Variants in CPNE4 observed in about 807,000 individuals in gnomAD.
CPNE4 encodes copine 4, also known as copine-4.
Under a neutral mutation model 67.9 loss-of-function variants are expected in CPNE4, and 25 were observed. That is an observed-to-expected ratio of 0.37 (90% CI 0.27 to 0.51). The LOEUF is 0.51. Ranked by LOEUF, CPNE4 falls within the 20% of genes least tolerant of loss-of-function variation. CPNE4 has a pLI of 0.93. For missense variants in CPNE4, 464 were observed against 690.8 expected, an observed-to-expected ratio of 0.67 and a Z score of 3.68; for synonymous variants, 242 against 244.9, an observed-to-expected ratio of 0.99 and a Z score of 0.11.
At chr3:131,727,491 AT>A (rs1169871489) in intron 2 of CPNE4, among the ~76,000 whole-genome samples, 2 of 151,898 alleles carry the variant, frequency 1.3e-5, no homozygotes, top group Non-Finnish European at 2.9e-5. Context: ...AATCTAAAAC[AT>A]TTTTCAGTCT....
At chr3:131,916,515 A>C (rs1231515849) in intron 1 of CPNE4, among the ~76,000 whole-genome samples, 3 of 152,188 alleles carry the variant, frequency 2.0e-5, no homozygotes, top group Non-Finnish European at 4.4e-5. Flanking sequence ...TGCTTCATGT[A>C]CTTTTTTAAT....
Position 131,789,612 on chromosome 3 carries a change from G to A in CPNE4, c.181-65987C>T, listed in dbSNP as rs552724117. Among the ~76,000 whole-genome samples the A allele has an allele frequency of 3.5e-4, 53 of 152,246 alleles. No homozygotes were observed. In the Middle Eastern group the frequency reaches 0.014, roughly 39 times the overall value. On this transcript the variant is annotated intron_variant, in intron 2 of 15. Coordinates refer to ENST00000429747, the MANE Select transcript of CPNE4 (RefSeq NM_130808.3). ...ATGTAAAGCAATACCAGTACATGCT[G>A]CACACTATGTCACTGTTTGCTATGA...
chr3:131,751,187 A>T (rs1229144485), intron 2 of CPNE4, among the ~76,000 whole-genome samples: 1 of 152,042 alleles, frequency 6.6e-6, no homozygotes, highest in African/African-American at 2.4e-5. Flanking sequence ...GTAGGTTTAC[A>T]TCTTGTCAAA....
intron 11 of CPNE4, among the ~76,000 whole-genome samples, chr3:131,560,077 C>G (rs1936681432): frequency 6.6e-6 from 1 of 151,996 alleles, no homozygotes; most frequent in South Asian, 2.1e-4. Flanking sequence ...AGTTCTGTCT[C>G]CCTTTGTGTT....
chr3:131,792,735 G>T (rs1478678762), intron 2 of CPNE4, among the ~76,000 whole-genome samples: 1 of 84,290 alleles, frequency 1.2e-5, no homozygotes, highest in Non-Finnish European at 2.8e-5. Context: ...ATATACACGT[G>T]TGTATATATG....
At chr3:131,644,743 T>A (rs1273619969) in intron 7 of CPNE4, among the ~76,000 whole-genome samples, 3 of 152,108 alleles carry the variant, frequency 2.0e-5, no homozygotes, top group Non-Finnish European at 2.9e-5. Context: ...CTTACAGGAA[T>A]GGAAAAGGTC....
chr3:131,841,968 T>C (rs889666243), intron 2 of CPNE4, among the ~76,000 whole-genome samples: 3 of 152,054 alleles, frequency 2.0e-5, no homozygotes, highest in African/African-American at 4.8e-5. Flanking sequence ...AAAACAGCAG[T>C]GCTGAAACAC....
intron 1 of CPNE4, among the ~76,000 whole-genome samples, chr3:132,013,479 T>C (rs1414960933): frequency 4.6e-5 from 7 of 152,220 alleles, no homozygotes; most frequent in African/African-American, 1.7e-4. Flanking sequence ...GTCATGATGA[T>C]ATATCTTCAG....
intron 2 of CPNE4, among the ~76,000 whole-genome samples, chr3:131,787,705 C>A (rs1241735999): frequency 6.6e-6 from 1 of 152,128 alleles, no homozygotes; most frequent in African/African-American, 2.4e-5. Flanking sequence ...TAGGCAATTA[C>A]CAAGATGTCT....
At chr3:131,904,572 C>T (rs1042374556) in intron 2 of CPNE4, among the ~76,000 whole-genome samples, 1 of 152,042 alleles carries the variant, frequency 6.6e-6, no homozygotes, top group Non-Finnish European at 1.5e-5. Context: ...TGGGCTTGGT[C>T]AGAGAACTGG....
At chr3:131,938,151 A>AT (rs1261647764) in intron 1 of CPNE4, among the ~76,000 whole-genome samples, 5 of 152,008 alleles carry the variant, frequency 3.3e-5, no homozygotes, top group African/African-American at 1.2e-4. Context: ...GAGCCCAGGA[A>AT]TTCGAGACCA....
intron 2 of CPNE4, among the ~76,000 whole-genome samples, chr3:131,763,611 G>A (rs2082943310): frequency 2.0e-5 from 3 of 152,126 alleles, no homozygotes; most frequent in African/African-American, 7.2e-5. Flanking sequence ...TCTCTAATCA[G>A]ATCAGGTTTA....
chr3:131,644,292 T>C (rs1282875673), intron 7 of CPNE4, among the ~76,000 whole-genome samples: 2 of 151,928 alleles, frequency 1.3e-5, no homozygotes, highest in Non-Finnish European at 2.9e-5. Context: ...GGACTACAGG[T>C]GCCCGCCACC....
intron 1 of CPNE4, among the ~76,000 whole-genome samples, chr3:132,033,081 G>A (rs1382476155): frequency 6.6e-6 from 1 of 152,260 alleles, no homozygotes; most frequent in Non-Finnish European, 1.5e-5. Flanking sequence ...AGAAGAGTAT[G>A]GAGAAAAGAA....
At chr3:131,730,922 A>T (rs1048138612) in intron 2 of CPNE4, among the ~76,000 whole-genome samples, 1 of 152,194 alleles carries the variant, frequency 6.6e-6, no homozygotes, top group Admixed American at 6.5e-5. Context: ...GTACTTTGCT[A>T]TGGCAACCCT....
At chr3:131,563,066 T>A (rs1015386844) in intron 11 of CPNE4, among the ~76,000 whole-genome samples, 21 of 152,004 alleles carry the variant, frequency 1.4e-4, no homozygotes, top group Admixed American at 3.9e-4. Flanking sequence ...GACTGCACCT[T>A]TCCCATTGCC....
intron 2 of CPNE4, among the ~76,000 whole-genome samples, chr3:131,840,894 T>C (rs1159901773): frequency 2.6e-5 from 4 of 152,200 alleles, no homozygotes; most frequent in Non-Finnish European, 5.9e-5. Flanking sequence ...GTGGTGTGAC[T>C]TCCTTTTAAC....
intron 15 of CPNE4, among the ~76,000 whole-genome samples, chr3:131,536,618 T>C (rs1935160360): frequency 6.6e-6 from 1 of 152,244 alleles, no homozygotes; most frequent in South Asian, 2.1e-4. Flanking sequence ...AGAAAAATAA[T>C]TCACTCTATC....
At chr3:131,552,383 G>A (rs1181007181) in intron 13 of CPNE4, 57 bp downstream of exon 13, 1 of 1,440,102 alleles carries the variant, frequency 6.9e-7, no homozygotes, top group African/African-American at 1.4e-5. Flanking sequence ...GAACTAAAAT[G>A]GGAAAGCTGC....
Sources: gnomAD v4.1 joint callset for allele counts (sites outside exome capture counted in the v4.1 genomes callset) on GRCh38, gnomAD v4.1.1 for gene constraint, MANE v1.5 for transcripts, NCBI Gene and HGNC (gene_info 2026-07-23, HGNC 2026-07-21) for gene names.